Variants in RGS7 observed in about 807,000 individuals in gnomAD.
The protein encoded by RGS7 is regulator of G-protein signaling 7.
In RGS7, 27 loss-of-function variants were observed where a neutral mutation model predicts 81.1. The observed-to-expected ratio is 0.33, with a 90% confidence interval of 0.25 to 0.46. The LOEUF (loss-of-function observed/expected upper bound fraction) is 0.46, where lower values mean the gene tolerates loss of function less well. Among genes scored for constraint, RGS7 ranks in the 20% least tolerant of loss-of-function variants. The pLI, the probability that RGS7 is intolerant of heterozygous loss-of-function variation, is 1.00. For synonymous variants in RGS7, 208 were observed against 207.7 expected, an observed-to-expected ratio of 1.00 and a Z score of -0.01; for missense variants, 396 against 607.4, an observed-to-expected ratio of 0.65 and a Z score of 3.66.
chr1:241,354,981 A>G (rs1239102588), intron 2 of RGS7, among the ~76,000 whole-genome samples: 2 of 152,232 alleles, frequency 1.3e-5, no homozygotes, highest in African/African-American at 4.8e-5. Context: ...AGTTAAACGC[A>G]TCTTTATTAT....
At chr1:241,009,958 C>T (rs947285916) in intron 3 of RGS7, among the ~76,000 whole-genome samples, 1 of 152,104 alleles carries the variant, frequency 6.6e-6, no homozygotes, top group Non-Finnish European at 1.5e-5. Context: ...ACCGCATGTT[C>T]TCACTCATAG....
At chr1:240,815,512 A>G (rs1165431376) in intron 11 of RGS7, among the ~76,000 whole-genome samples, 2 of 152,206 alleles carry the variant, frequency 1.3e-5, no homozygotes, top group African/African-American at 4.8e-5. Context: ...ATGTGTTTTG[A>G]GAATAATTTT....
chr1:240,900,196 T>C (rs1018410938), intron 6 of RGS7, among the ~76,000 whole-genome samples: 2 of 152,208 alleles, frequency 1.3e-5, no homozygotes, highest in Non-Finnish European at 2.9e-5. Context: ...CTAATCTTTT[T>C]TCAAGGTTTT....
intron 9 of RGS7, among the ~76,000 whole-genome samples, chr1:240,848,191 T>C (rs1415517126): frequency 1.3e-5 from 2 of 152,140 alleles, no homozygotes; most frequent in African/African-American, 4.8e-5. Flanking sequence ...AAGAGATAGG[T>C]GAATGGAGCT....
chr1:241,338,395 AT>A (rs1324370479), intron 2 of RGS7, among the ~76,000 whole-genome samples: 1 of 152,182 alleles, frequency 6.6e-6, no homozygotes, highest in African/African-American at 2.4e-5. Context: ...AAAGCATTCC[AT>A]TTTTAAATCA....
At chr1:241,179,866 A>T (rs1373168900) in intron 2 of RGS7, among the ~76,000 whole-genome samples, 1 of 152,190 alleles carries the variant, frequency 6.6e-6, no homozygotes, top group Non-Finnish European at 1.5e-5. Flanking sequence ...CACATGAGGC[A>T]CTTTGATAGG....
chr1:241,078,416 G>A (rs1208461065), intron 3 of RGS7, among the ~76,000 whole-genome samples: 1 of 136,450 alleles, frequency 7.3e-6, no homozygotes, highest in Non-Finnish European at 1.5e-5. Context: ...AGCATATTAT[G>A]TATTATATAA....
intron 14 of RGS7, among the ~76,000 whole-genome samples, chr1:240,807,160 G>A (rs1338261111): frequency 6.6e-6 from 1 of 152,100 alleles, no homozygotes; most frequent in Non-Finnish European, 1.5e-5. Flanking sequence ...AATAGCAAGT[G>A]GTAAAGTCTA....
intron 4 of RGS7, among the ~76,000 whole-genome samples, chr1:240,968,391 G>A (rs1451497991): frequency 3.9e-5 from 6 of 152,168 alleles, no homozygotes; most frequent in South Asian, 2.1e-4. Context: ...ATCTGAGCAT[G>A]TGCCTCCTGT....
intron 4 of RGS7, among the ~76,000 whole-genome samples, chr1:240,953,286 G>C (rs1207067377): frequency 6.6e-6 from 1 of 151,822 alleles, no homozygotes; most frequent in Non-Finnish European, 1.5e-5. Flanking sequence ...AACAACAGCA[G>C]AGTAAATTAT....
intron 2 of RGS7, among the ~76,000 whole-genome samples, chr1:241,121,091 T>C (rs1381811079): frequency 2.0e-5 from 3 of 152,156 alleles, no homozygotes; most frequent in African/African-American, 7.2e-5. Context: ...ATTACTCCCC[T>C]TGCCTGGGCT....
At position 241,137,357 on chromosome 1, in the gene RGS7, A is replaced by G. The variant is rs550370944; in HGVS notation, c.79-38595T>C. On this transcript the variant is annotated intron_variant, in intron 2 of 18. Transcript: ENST00000440928. ...TGAATTATAATTATGAATTATAACCAAATTAACAACACTGAACCTATTATT... is the reference window on the plus strand; with the variant it reads ...TGAATTATAATTATGAATTATAACCGAATTAACAACACTGAACCTATTATT... Among the ~76,000 whole-genome samples the G allele has an allele frequency of 1.4e-4, 21 of 152,330 alleles. No homozygotes were observed. In the South Asian group the frequency reaches 4.3e-3, roughly 32 times the overall value.
intron 6 of RGS7, among the ~76,000 whole-genome samples, chr1:240,901,062 C>A (rs990844393): frequency 6.6e-6 from 1 of 152,148 alleles, no homozygotes; most frequent in Non-Finnish European, 1.5e-5. Context: ...TAGCAGTGAG[C>A]GAGGCTCCGT....
intron 2 of RGS7, among the ~76,000 whole-genome samples, chr1:241,207,494 A>T (rs748939151): frequency 6.6e-6 from 1 of 152,064 alleles, no homozygotes; most frequent in Non-Finnish European, 1.5e-5. Flanking sequence ...TATGAGACAG[A>T]CAAGACTACT....
chr1:241,024,058 T>G (rs1572326225), intron 3 of RGS7, among the ~76,000 whole-genome samples: 9 of 152,208 alleles, frequency 5.9e-5, no homozygotes, highest in Admixed American at 5.2e-4. Flanking sequence ...CGGCTGACAA[T>G]GCTTTTTAAT....
chr1:240,790,104 T>G (rs982556004), intron 18 of RGS7, among the ~76,000 whole-genome samples: 1 of 152,094 alleles, frequency 6.6e-6, no homozygotes, highest in Admixed American at 6.6e-5. Flanking sequence ...CAATAGCGCA[T>G]GCCTGTAATC....
intron 2 of RGS7, among the ~76,000 whole-genome samples, chr1:241,282,825 C>T (rs1040604726): frequency 2.0e-5 from 3 of 152,166 alleles, no homozygotes; most frequent in Admixed American, 2.0e-4. Flanking sequence ...GATAGAATCA[C>T]GAGCTTTTTC....
intron 5 of RGS7, among the ~76,000 whole-genome samples, chr1:240,931,268 T>G (rs958325741): frequency 6.6e-6 from 1 of 152,224 alleles, no homozygotes; most frequent in Non-Finnish European, 1.5e-5. Context: ...GTCATATAAT[T>G]CAGTTCTCAG....
At chr1:240,904,179 G>A (rs965688061) in intron 6 of RGS7, among the ~76,000 whole-genome samples, 1 of 152,156 alleles carries the variant, frequency 6.6e-6, no homozygotes, top group Non-Finnish European at 1.5e-5. Flanking sequence ...TTTGGGAGGA[G>A]AGAGTCAGGA....
Sources: allele counts gnomAD v4.1 joint callset (sites outside exome capture counted in the v4.1 genomes callset), GRCh38; gene constraint gnomAD v4.1.1; transcripts MANE v1.5; gene names NCBI Gene and HGNC (gene_info 2026-07-23, HGNC 2026-07-21).